TARP: variants seen among roughly 807,000 people sequenced by gnomAD.
the TARP span, among the ~76,000 whole-genome samples, chr7:38,261,911 T>A: frequency 6.7e-6 from 1 of 148,306 alleles, no homozygotes; most frequent in South Asian, 2.1e-4. Context: ...AAAAGACACA[T>A]GAATGAATAA....
chr7:38,269,884 G>A, the TARP span, among the ~76,000 whole-genome samples: 1 of 151,972 alleles, frequency 6.6e-6, no homozygotes, highest in African/African-American at 2.4e-5. Flanking sequence ...AGGATTGCTT[G>A]AGCTCAGAAT....
chr7:38,273,547 C>T, the TARP span: 1 of 1,492,520 alleles, frequency 6.7e-7, no homozygotes, highest in Non-Finnish European at 9.2e-7. Context: ...TGCCAGCCTC[C>T]CATCCCTTCT....
chr7:38,264,413 A>C, the TARP span, among the ~76,000 whole-genome samples: 1 of 151,476 alleles, frequency 6.6e-6, no homozygotes, highest in Non-Finnish European at 1.5e-5. Flanking sequence ...CAACATGGTG[A>C]AACCCCATCT....
chr7:38,273,562 A>C, the TARP span: 1 of 1,581,524 alleles, frequency 6.3e-7, no homozygotes, highest in Non-Finnish European at 8.6e-7. Context: ...CCTTCTTTAC[A>C]TTGCAAAATT....
At chr7:38,267,112 GAC>G in the TARP span, among the ~76,000 whole-genome samples, 155 of 151,614 alleles carry the variant, frequency 1.0e-3, no homozygotes, top group Non-Finnish European at 1.7e-3. Flanking sequence ...TCTATATTTT[GAC>G]TCTTTATGTC....
chr7:38,263,202 A>G, the TARP span, among the ~76,000 whole-genome samples: 1 of 151,876 alleles, frequency 6.6e-6, no homozygotes, highest in Non-Finnish European at 1.5e-5. Flanking sequence ...ACTATGTTAA[A>G]TGCTTCCCAT....
At chr7:38,262,904 C>T in the TARP span, among the ~76,000 whole-genome samples, 1 of 151,562 alleles carries the variant, frequency 6.6e-6, no homozygotes, top group African/African-American at 2.4e-5. Flanking sequence ...AGCAATCTTC[C>T]TGCCTTGTCC....
the TARP span, among the ~76,000 whole-genome samples, chr7:38,271,207 T>A: frequency 6.0e-3 from 914 of 151,604 alleles, 2 homozygotes; most frequent in Non-Finnish European, 9.6e-3. Context: ...GCATTTAGCA[T>A]GTTTCTCCTT....
At chr7:38,267,332 G>A in the TARP span, among the ~76,000 whole-genome samples, 12 of 151,608 alleles carry the variant, frequency 7.9e-5, no homozygotes, top group East Asian at 1.6e-3. Context: ...GAATGTTAAT[G>A]GGTTATACAC....
the TARP span, among the ~76,000 whole-genome samples, chr7:38,261,592 A>C: frequency 6.6e-6 from 1 of 151,556 alleles, no homozygotes; most frequent in East Asian, 1.9e-4. Flanking sequence ...ACAGGACAGG[A>C]GGCCGGGCAC....
At chr7:38,272,444 A>T in the TARP span, among the ~76,000 whole-genome samples, 1 of 145,516 alleles carries the variant, frequency 6.9e-6, no homozygotes, top group Non-Finnish European at 1.5e-5. Flanking sequence ...GGACATTTGA[A>T]AAGAATGTTT....
the TARP span, among the ~76,000 whole-genome samples, chr7:38,267,068 C>T: frequency 1.3e-5 from 2 of 151,296 alleles, no homozygotes; most frequent in Non-Finnish European, 1.5e-5. Flanking sequence ...ATAAATTTAC[C>T]CCATTAATGA....
At chr7:38,266,296 G>A in the TARP span, among the ~76,000 whole-genome samples, 4,130 of 150,592 alleles carry the variant, frequency 0.027, 93 homozygotes, top group Non-Finnish European at 0.044. Context: ...TTTCCCATAT[G>A]AATCAATGTC....
At chr7:38,273,459 G>T in the TARP span, 1 of 764,538 alleles carries the variant, frequency 1.3e-6, no homozygotes, top group Non-Finnish European at 2.1e-6. Flanking sequence ...CATGAACCAA[G>T]TCACCTGACC....
the TARP span, among the ~76,000 whole-genome samples, chr7:38,272,708 A>G: frequency 6.6e-6 from 1 of 150,494 alleles, no homozygotes; most frequent in Admixed American, 6.7e-5. Context: ...AAAGGGAGTT[A>G]CATAGAAAGT....
chr7:38,262,253 C>G, the TARP span: 4 of 1,488,156 alleles, frequency 2.7e-6, no homozygotes, highest in South Asian at 3.4e-5. Context: ...GTCAATTGTT[C>G]GTGTGTGTGT....
At chr7:38,268,132 A>G in the TARP span, among the ~76,000 whole-genome samples, 1 of 151,580 alleles carries the variant, frequency 6.6e-6, no homozygotes, top group Non-Finnish European at 1.5e-5. Context: ...GTACATATTA[A>G]GAGTTTTTTA....
the TARP span, among the ~76,000 whole-genome samples, chr7:38,261,007 C>T: frequency 6.6e-6 from 1 of 151,800 alleles, no homozygotes; most frequent in Non-Finnish European, 1.5e-5. Flanking sequence ...AAATGAGATG[C>T]CCTATGCCAG....
chr7:38,268,578 T>C, the TARP span, among the ~76,000 whole-genome samples: 5 of 151,334 alleles, frequency 3.3e-5, no homozygotes, highest in East Asian at 7.7e-4. Flanking sequence ...CTAAACTAAT[T>C]GGCTATAAAT....
Sources: allele counts gnomAD v4.1 joint callset (sites outside exome capture counted in the v4.1 genomes callset), GRCh38; gene constraint gnomAD v4.1.1; transcripts MANE v1.5.